Variants in PSD3 observed in about 807,000 individuals in gnomAD.
The protein encoded by PSD3 is PH and SEC7 domain-containing protein 3.
PSD3 carries 49 observed loss-of-function variants against 105.5 expected under a neutral mutation model. The ratio of observed to expected loss-of-function variants is 0.46; its 90% CI spans 0.37 to 0.59. PSD3 has a LOEUF of 0.59. Among genes scored for constraint, PSD3 ranks in the 20% least tolerant of loss-of-function variants. The pLI is 0.00. For missense variants in PSD3, 1,561 were observed against 1,263.8 expected, an observed-to-expected ratio of 1.24 and a Z score of -3.57; for synonymous variants, 557 against 457.8, an observed-to-expected ratio of 1.22 and a Z score of -2.77.
At chr8:18,696,408 C>T (rs1362665488) in intron 9 of PSD3, among the ~76,000 whole-genome samples, 2 of 152,330 alleles carry the variant, frequency 1.3e-5, no homozygotes, top group African/African-American at 4.8e-5. Flanking sequence ...TAAAGCTTTT[C>T]AGCTAAGACA....
chr8:18,871,873 A>T lies in PSD3; in HGVS notation c.991T>A (p.Ser331Thr), dbSNP rs1306716559. Residue 331 changes from serine (S) to threonine (T), a missense_variant, in exon 3 of 16, where the codon TCT becomes ACT. Coordinates refer to ENST00000327040, the MANE Select transcript of PSD3 (RefSeq NM_015310.4). ...TTGGAAGACTCTTTGCTGTCAGGAG[A>T]GGCTGTTCTTTGCAGTGATGTCTCA... Reference protein sequence around the residue: ...DFETSLQRTASPDSKESSKVP... With the variant: ...DFETSLQRTATPDSKESSKVP... 2 of 1,614,056 alleles carry T rather than the reference A, an allele frequency of 1.2e-6. No individual in the cohort carries two copies. Among genetic ancestry groups the T allele is most frequent in the African/African-American group, 2.7e-5 (2 of 74,916 alleles).
At chr8:18,606,945 T>C (rs1804882557) in intron 11 of PSD3, among the ~76,000 whole-genome samples, 1 of 152,224 alleles carries the variant, frequency 6.6e-6, no homozygotes, top group African/African-American at 2.4e-5. Context: ...TTTACAATTC[T>C]GAAAGGTAGA....
chr8:18,874,607 G>A (rs1198393807), intron 2 of PSD3, among the ~76,000 whole-genome samples: 1 of 150,046 alleles, frequency 6.7e-6, no homozygotes, highest in East Asian at 2.0e-4. Context: ...GGAGGCTGAG[G>A]CACGAGAATC....
At chr8:18,759,225 A>G (rs539302928) in intron 9 of PSD3, among the ~76,000 whole-genome samples, 2 of 152,142 alleles carry the variant, frequency 1.3e-5, no homozygotes, top group South Asian at 4.1e-4. Context: ...AAAAATTTAA[A>G]GAATATTCTA....
chr8:18,738,910 G>A (rs1804353243), intron 9 of PSD3, among the ~76,000 whole-genome samples: 1 of 145,936 alleles, frequency 6.9e-6, no homozygotes, highest in South Asian at 2.2e-4. Context: ...CATTTTTTTT[G>A]TTCTGAAATG....
intron 9 of PSD3, among the ~76,000 whole-genome samples, chr8:18,739,440 C>G (rs1171944455): frequency 6.6e-6 from 1 of 152,118 alleles, no homozygotes; most frequent in East Asian, 1.9e-4. Context: ...TTTGTCTGGA[C>G]TCTATAGAGA....
chr8:18,861,450 T>A (rs766267690), intron 4 of PSD3, among the ~76,000 whole-genome samples: 60 of 152,148 alleles, frequency 3.9e-4, no homozygotes, highest in Non-Finnish European at 7.6e-4. Context: ...GTCTCTCCAG[T>A]GACCTTCAGT....
intron 9 of PSD3, among the ~76,000 whole-genome samples, chr8:18,671,585 T>C (rs1490405193): frequency 6.6e-6 from 1 of 152,186 alleles, no homozygotes; most frequent in Non-Finnish European, 1.5e-5. Flanking sequence ...AGCACCATGA[T>C]TCCAGAAGCC....
At chr8:18,655,328 CAAAAA>C (rs35143136) in intron 10 of PSD3, among the ~76,000 whole-genome samples, 2 of 100,144 alleles carry the variant, frequency 2.0e-5, no homozygotes, top group African/African-American at 3.5e-5. Flanking sequence ...GACTCCACCT[CAAAAA>C]AAAAAAAAAA....
intron 1 of PSD3, among the ~76,000 whole-genome samples, chr8:18,998,028 T>G (rs1391282602): frequency 2.6e-5 from 4 of 151,954 alleles, no homozygotes; most frequent in Non-Finnish European, 5.9e-5. Context: ...GTCTGTTTTG[T>G]TGACCACTGT....
At chr8:18,801,796 C>T (rs914864619) in intron 6 of PSD3, among the ~76,000 whole-genome samples, 1 of 152,002 alleles carries the variant, frequency 6.6e-6, no homozygotes, top group Non-Finnish European at 1.5e-5. Context: ...CCACTACACT[C>T]CAGCCTAGGC....
chr8:18,777,368 A>T (rs983472768), intron 8 of PSD3, among the ~76,000 whole-genome samples: 1 of 152,122 alleles, frequency 6.6e-6, no homozygotes, highest in African/African-American at 2.4e-5. Context: ...AAAAAACCCA[A>T]CTTTTCATTT....
chr8:18,951,965 G>A (rs552954562), intron 1 of PSD3, among the ~76,000 whole-genome samples: 1 of 152,168 alleles, frequency 6.6e-6, no homozygotes, highest in Non-Finnish European at 1.5e-5. Flanking sequence ...GCAAAACTCT[G>A]TCTCAAAAAA....
chr8:19,033,564 TG>T (rs1827842936), intron 1 of PSD3, among the ~76,000 whole-genome samples: 1 of 134,840 alleles, frequency 7.4e-6, no homozygotes, highest in African/African-American at 2.5e-5. Context: ...TTTTAAAATC[TG>T]TTTTTTTTTC....
At chr8:18,689,172 A>C (rs1324799551) in intron 9 of PSD3, among the ~76,000 whole-genome samples, 1 of 152,222 alleles carries the variant, frequency 6.6e-6, no homozygotes, top group Non-Finnish European at 1.5e-5. Context: ...TCTACTAGGT[A>C]CCAGATGCTG....
intron 8 of PSD3, among the ~76,000 whole-genome samples, chr8:18,788,292 C>T (rs1455476104): frequency 2.6e-5 from 4 of 152,256 alleles, no homozygotes; most frequent in East Asian, 1.9e-4. Context: ...ACTTCTGTTG[C>T]AATAACGAGA....
intron 14 of PSD3, among the ~76,000 whole-genome samples, chr8:18,559,433 T>C (rs1274167365): frequency 6.6e-6 from 1 of 152,194 alleles, no homozygotes; most frequent in Non-Finnish European, 1.5e-5. Flanking sequence ...GACCCATTTT[T>C]CTATTGGGTT....
intron 9 of PSD3, among the ~76,000 whole-genome samples, chr8:18,744,689 C>G (rs1804838578): frequency 6.6e-6 from 1 of 152,186 alleles, no homozygotes; most frequent in African/African-American, 2.4e-5. Flanking sequence ...ATGTTAACAT[C>G]TTACGTAACC....
chr8:18,851,465 G>A (rs1815554664), intron 4 of PSD3, among the ~76,000 whole-genome samples: 1 of 152,234 alleles, frequency 6.6e-6, no homozygotes, highest in African/African-American at 2.4e-5. Flanking sequence ...TGTCTCCTCA[G>A]GACTTCAGGA....
Sources: allele counts gnomAD v4.1 joint callset (sites outside exome capture counted in the v4.1 genomes callset), GRCh38; gene constraint gnomAD v4.1.1; transcripts MANE v1.5; gene names NCBI Gene and HGNC (gene_info 2026-07-23, HGNC 2026-07-21).